TNPO3: variants seen among roughly 807,000 people sequenced by gnomAD.
TNPO3 encodes the protein transportin-3.
In TNPO3, 65 loss-of-function variants were observed where a neutral mutation model predicts 122.8. That is an observed-to-expected ratio of 0.53 (90% confidence interval 0.43 to 0.65). The LOEUF (loss-of-function observed/expected upper bound fraction) is 0.65. Ranked by LOEUF, TNPO3 falls within the 30% of genes least tolerant of loss-of-function variation. TNPO3 has a pLI of 0.00. For synonymous variants in TNPO3, 372 were observed against 411.2 expected (o/e 0.90, Z 1.15); for missense variants, 850 against 1,136.7 (o/e 0.75, Z 3.63).
At chr7:128,982,177 CT>C in intron 14 of TNPO3, 70 bp downstream of exon 14, 1 of 1,330,698 alleles carries the variant, frequency 7.5e-7, no homozygotes, top group Non-Finnish European at 1.1e-6. Flanking sequence ...AAAATACTTG[CT>C]TACTTCAATA....
At chr7:128,986,961 A>G (rs768278606) in intron 11 of TNPO3, 41 bp from the exon 12 acceptor site, 1 of 1,537,368 alleles carries the variant, frequency 6.5e-7, no homozygotes, top group East Asian at 2.3e-5. Context: ...ATCTGAAACT[A>G]AAGGAAAACT....
Position 129,054,844 on chromosome 7 carries a change from G to A in TNPO3, c.-74C>T. The A allele has an allele frequency of 6.2e-7, 1 of 1,600,502 alleles. No individual in the cohort carries two copies. Among genetic ancestry groups the A allele is most frequent in the Non-Finnish European group, 8.5e-7 (1 of 1,172,488 alleles). Reference sequence around the variant, plus strand: ...GATTCCTCGGTTGCTCCGCCTTCGCGCTTCCTCACTGTCTGGGCCACGGCC... The same window carrying A: ...GATTCCTCGGTTGCTCCGCCTTCGCACTTCCTCACTGTCTGGGCCACGGCC... On this transcript the variant is annotated 5_prime_UTR_variant, in exon 1 of 23. Transcript: ENST00000265388.
chr7:128,993,926 A>T lies in TNPO3; in HGVS notation c.1159-12T>A. 1 of 1,610,846 alleles carries T rather than the reference A, an allele frequency of 6.2e-7. No homozygotes were observed. Among genetic ancestry groups the T allele is most frequent in the Non-Finnish European group, 8.5e-7 (1 of 1,177,558 alleles). On this transcript the variant is annotated splice_polypyrimidine_tract_variant and intron_variant, in intron 8 of 22. Coordinates refer to ENST00000265388, the MANE Select transcript of TNPO3 (RefSeq NM_012470.4). ...TCAGGAACCCCCTCCTAAAATATCA[A>T]ATCAGATAACATCTGCTTTAAACTC...
In TNPO3 at chr7:128,997,236, C is replaced by T. The variant is rs572863851; in HGVS notation, c.1158+153G>A. ...CTGGTCTTGAATTCCTGGGCTCTAACGATTCATCTGCCTTGGCCTCCCAAA... is the reference window on the plus strand; with the variant it reads ...CTGGTCTTGAATTCCTGGGCTCTAATGATTCATCTGCCTTGGCCTCCCAAA... On this transcript the variant is annotated intron_variant, in intron 8 of 22. Coordinates refer to ENST00000265388, the MANE Select transcript of TNPO3 (RefSeq NM_012470.4). Among the ~76,000 whole-genome samples the T allele has an allele frequency of 3.3e-5, 5 of 152,244 alleles. No homozygotes were observed. The East Asian group carries it at 5.8e-4, about 18-fold the overall frequency.
chr7:128,972,591 GA>G lies in TNPO3; in HGVS notation c.2274-10del, dbSNP rs539653012. 4.0e-4 allele frequency: 650 copies of G among 1,611,888 alleles called. 2 individuals carry two copies. The African/African-American group carries it at 7.8e-3, about 19-fold the overall frequency. ...GGCTACGCTGAATAAACCTGGTGTG[GA>G]AAGTGAGACTAGGTATAAATGACAA... On this transcript the variant is annotated splice_polypyrimidine_tract_variant and intron_variant, in intron 18 of 22. Coordinates refer to ENST00000265388, the MANE Select transcript of TNPO3 (RefSeq NM_012470.4).
chr7:128,993,864 T>A lies in TNPO3; in HGVS notation c.1209A>T (p.Val403=), dbSNP rs754874514. 1 of 1,614,158 alleles carries A rather than the reference T, an allele frequency of 6.2e-7. No homozygotes were observed. The highest frequency in any genetic ancestry group is 1.7e-5 in the Admixed American group (1 of 60,028). Residue 403 remains valine (V), a synonymous_variant, in exon 9 of 23, where the codon GTA becomes GTT. Coordinates refer to ENST00000265388, the MANE Select transcript of TNPO3 (RefSeq NM_012470.4). ...AAATCAAGTCCTTTACCAGGTCTGATACCCTCATGCGAAACTCCCCAAAGT... is the reference window on the plus strand; with the variant it reads ...AAATCAAGTCCTTTACCAGGTCTGAAACCCTCATGCGAAACTCCCCAAAGT... The part of the protein sequence containing the change: ...TDDFGEFRMR[V]SDLVKDLIFL...
At chr7:128,967,942 G>A (rs1228726632) in intron 20 of TNPO3, among the ~76,000 whole-genome samples, 2 of 152,048 alleles carry the variant, frequency 1.3e-5, no homozygotes, top group Non-Finnish European at 1.5e-5. Flanking sequence ...TTTTTTAAGA[G>A]ATGAGGAGTC....
intron 1 of TNPO3, among the ~76,000 whole-genome samples, chr7:129,052,067 T>C (rs1808846410): frequency 6.6e-6 from 1 of 152,256 alleles, no homozygotes; most frequent in Non-Finnish European, 1.5e-5. Context: ...TCAATCCAGA[T>C]GCTGAAGTTG....
chr7:128,993,938 T>C (rs2150358790), intron 8 of TNPO3, 24 bp from the exon 9 acceptor site: 1 of 1,602,898 alleles, frequency 6.2e-7, no homozygotes, highest in East Asian at 2.2e-5. Flanking sequence ...TCAGATAACA[T>C]CTGCTTTAAA....
rs575475013 is a variant in TNPO3 at position 128,990,242 on chromosome 7, T to C, written c.1359-142A>G. 4.2e-4 allele frequency: 386 copies of C among 926,254 alleles called. 1 individual carries two copies. The Middle Eastern group carries it at 0.01, about 24-fold the overall frequency. The allele number at this position is 926,254 out of a possible 1,614,324, so 57.4% of individuals were successfully genotyped here. A position where few individuals can be genotyped will look rare whatever the true frequency, so the allele number is the denominator to read the frequency against. Reference sequence around the variant, plus strand: ...AGATAAAAGTACTTGGTATTTGTTATGAAAGATTTTCAAATCTTCAAAAAA... The same window carrying C: ...AGATAAAAGTACTTGGTATTTGTTACGAAAGATTTTCAAATCTTCAAAAAA... On this transcript the variant is annotated intron_variant, in intron 10 of 22. Transcript: ENST00000265388.
At chr7:128,983,338 CTGA>C (rs1799820050) in intron 13 of TNPO3, among the ~76,000 whole-genome samples, 1 of 152,062 alleles carries the variant, frequency 6.6e-6, no homozygotes, top group Non-Finnish European at 1.5e-5. Context: ...TCCCGAGTAG[CTGA>C]GATTACAAGT....
intron 18 of TNPO3, among the ~76,000 whole-genome samples, chr7:128,972,935 T>G (rs1475176618): frequency 6.6e-6 from 1 of 152,012 alleles, no homozygotes; most frequent in East Asian, 1.9e-4. Context: ...AGGCTGTGTG[T>G]GTTAGGAGGG....
intron 1 of TNPO3, among the ~76,000 whole-genome samples, chr7:129,020,544 G>A (rs1323492087): frequency 6.6e-6 from 1 of 152,144 alleles, no homozygotes; most frequent in Non-Finnish European, 1.5e-5. Context: ...GAGCTCAAGA[G>A]ATCCTCCTGC....
At chr7:129,048,756 T>C (rs1428930863) in intron 1 of TNPO3, among the ~76,000 whole-genome samples, 2 of 152,058 alleles carry the variant, frequency 1.3e-5, no homozygotes, top group Non-Finnish European at 2.9e-5. Flanking sequence ...CAAAAATAAA[T>C]AAAACTCGCA....
At chr7:128,975,594 G>T (rs890909544) in intron 17 of TNPO3, among the ~76,000 whole-genome samples, 1 of 152,134 alleles carries the variant, frequency 6.6e-6, no homozygotes, top group Non-Finnish European at 1.5e-5. Flanking sequence ...AAACCAGGCA[G>T]TAACATGTAA....
At chr7:129,027,587 A>C (rs1563107448) in intron 1 of TNPO3, among the ~76,000 whole-genome samples, 19 of 97,668 alleles carry the variant, frequency 1.9e-4, no homozygotes, top group Non-Finnish European at 3.2e-4. Flanking sequence ...AAAAAAAAAA[A>C]AAAACAACAC....
At chr7:128,996,318 T>G (rs1388441720) in intron 8 of TNPO3, among the ~76,000 whole-genome samples, 1 of 152,232 alleles carries the variant, frequency 6.6e-6, no homozygotes, top group Non-Finnish European at 1.5e-5. Context: ...ATTTCTATAT[T>G]CTTTTAAACT....
intron 21 of TNPO3, among the ~76,000 whole-genome samples, chr7:128,965,417 C>A (rs191821643): frequency 1.3e-5 from 2 of 152,118 alleles, no homozygotes; most frequent in Non-Finnish European, 2.9e-5. Context: ...GCTAAGATGG[C>A]TACTCTCAAA....
chr7:129,043,639 G>A (rs1489579620), intron 1 of TNPO3, among the ~76,000 whole-genome samples: 1 of 152,032 alleles, frequency 6.6e-6, no homozygotes, highest in Admixed American at 6.5e-5. Flanking sequence ...TTCATGACAA[G>A]AATCCCTATC....
Sources: allele counts gnomAD v4.1 joint callset (sites outside exome capture counted in the v4.1 genomes callset), GRCh38; gene constraint gnomAD v4.1.1; transcripts MANE v1.5; gene names NCBI Gene and HGNC (gene_info 2026-07-23, HGNC 2026-07-21).